The following PEAK1 variants were observed in gnomAD, a reference collection of about 807,000 sequenced individuals.
PEAK1 encodes the protein pseudopodium enriched atypical kinase 1.
A neutral mutation model predicts 124.7 loss-of-function variants in PEAK1; 54 were observed. That is an observed-to-expected ratio of 0.43 (90% CI 0.35 to 0.54). The LOEUF (loss-of-function observed/expected upper bound fraction) is 0.54. PEAK1 is among the 20% of genes least tolerant of loss of function. The probability of loss-of-function intolerance (pLI) is 0.01; values close to 1 mark genes in which losing one functional copy is unlikely to be tolerated. For missense variants in PEAK1, 2,046 were observed against 2,134.5 expected, an observed-to-expected ratio of 0.96 and a Z score of 0.82; for synonymous variants, 719 against 760.0, an observed-to-expected ratio of 0.95 and a Z score of 0.89.
chr15:77,166,069 G>C (rs1340092646), intron 7 of PEAK1, among the ~76,000 whole-genome samples: 1 of 152,122 alleles, frequency 6.6e-6, no homozygotes. Context: ...TTGAAAGGTA[G>C]GGTATTAATG....
chr15:77,207,892 GC>G (rs2058736880), intron 6 of PEAK1, among the ~76,000 whole-genome samples: 1 of 152,122 alleles, frequency 6.6e-6, no homozygotes. Context: ...TTCCAGTTAG[GC>G]TTCCAATTTT....
intron 6 of PEAK1, among the ~76,000 whole-genome samples, chr15:77,250,210 T>C (rs1301232864): frequency 1.4e-5 from 2 of 142,740 alleles, no homozygotes; most frequent in Admixed American, 7.2e-5. Context: ...TACATATATA[T>C]GTATATATAT....
intron 2 of PEAK1, among the ~76,000 whole-genome samples, chr15:77,312,238 AGAT>A (rs1183199600): frequency 6.6e-6 from 1 of 152,224 alleles, no homozygotes; most frequent in African/African-American, 2.4e-5. Context: ...TTACAGTAAC[AGAT>A]GACAGGTAAC....
chr15:77,272,441 A>G (rs1361926921), intron 5 of PEAK1, among the ~76,000 whole-genome samples: 2 of 152,192 alleles, frequency 1.3e-5, no homozygotes, highest in African/African-American at 2.4e-5. Flanking sequence ...AACAGCCAAT[A>G]CCAAAGAAAT....
chr15:77,390,008 T>G (rs533741026), intron 1 of PEAK1, among the ~76,000 whole-genome samples: 12 of 152,348 alleles, frequency 7.9e-5, no homozygotes, highest in Non-Finnish European at 1.2e-4. Flanking sequence ...ATGTTAAGTG[T>G]TTTGTATTCA....
chr15:77,316,617 T>C (rs1444082425), intron 2 of PEAK1, among the ~76,000 whole-genome samples: 2 of 152,208 alleles, frequency 1.3e-5, no homozygotes, highest in African/African-American at 2.4e-5. Context: ...GTAAGCTTCA[T>C]ATATTATTCA....
In PEAK1 at chr15:77,336,372, T is replaced by G. The variant is rs193247844; in HGVS notation, c.-603+28791A>C. The stretch of plus-strand genomic sequence containing the variant: ...AAAAAGCTCTCATTATAGAGACGTT[T>G]ACTAGGAACCAAGGCAGCTTTTCCA... On this transcript the variant is annotated intron_variant, in intron 2 of 9. Transcript: ENST00000682557. 7.1e-4 allele frequency: 699 copies of G among 985,450 alleles called. 4 individuals carry two copies. The African/African-American group carries it at 0.01, about 14-fold the overall frequency. 61.0% of individuals were successfully genotyped at this position (985,450 alleles called of 1,614,324 possible). A position where few individuals can be genotyped will look rare whatever the true frequency, so the allele number is the denominator to read the frequency against.
intron 1 of PEAK1, among the ~76,000 whole-genome samples, chr15:77,393,803 A>G (rs1444147549): frequency 6.6e-6 from 1 of 152,206 alleles, no homozygotes. Flanking sequence ...ACAGTGGAAT[A>G]CAGCACCAAG....
intron 1 of PEAK1, among the ~76,000 whole-genome samples, chr15:77,377,956 A>G (rs1189490237): frequency 6.6e-6 from 1 of 152,044 alleles, no homozygotes; most frequent in Non-Finnish European, 1.5e-5. Flanking sequence ...AAACTTACTG[A>G]GCTTGGACAT....
chr15:77,373,764 C>A (rs753174329), intron 1 of PEAK1, among the ~76,000 whole-genome samples: 2 of 152,178 alleles, frequency 1.3e-5, no homozygotes, highest in African/African-American at 2.4e-5. Flanking sequence ...ATAGCCAAAG[C>A]ACAGGACACT....
At chr15:77,229,531 A>C (rs1376220945) in intron 6 of PEAK1, among the ~76,000 whole-genome samples, 1 of 152,204 alleles carries the variant, frequency 6.6e-6, no homozygotes, top group Non-Finnish European at 1.5e-5. Context: ...GCTCAGCTCA[A>C]GTCCTCTCCT....
intron 7 of PEAK1, among the ~76,000 whole-genome samples, chr15:77,172,855 C>T (rs376506344): frequency 9.9e-5 from 15 of 152,086 alleles, no homozygotes; most frequent in East Asian, 5.8e-4. Flanking sequence ...TGGGCTCAAA[C>T]GATCCTTCCA....
chr15:77,295,700 C>A (rs945035205), intron 2 of PEAK1, among the ~76,000 whole-genome samples: 3 of 152,190 alleles, frequency 2.0e-5, no homozygotes, highest in African/African-American at 7.2e-5. Flanking sequence ...GTGGATCAGA[C>A]TTCTTATCTT....
intron 5 of PEAK1, among the ~76,000 whole-genome samples, chr15:77,260,507 T>C (rs2061383526): frequency 6.6e-6 from 1 of 152,166 alleles, no homozygotes. Flanking sequence ...AACTATGCTC[T>C]ATATTCAAAG....
intron 2 of PEAK1, among the ~76,000 whole-genome samples, chr15:77,345,069 C>T (rs982215885): frequency 2.2e-4 from 33 of 151,986 alleles, no homozygotes; most frequent in Middle Eastern, 3.4e-3. Context: ...ACTTCCAATA[C>T]GATGGTGAAT....
intron 2 of PEAK1, among the ~76,000 whole-genome samples, chr15:77,359,534 C>G (rs753286259): frequency 4.0e-5 from 6 of 151,612 alleles, no homozygotes; most frequent in Non-Finnish European, 8.8e-5. Context: ...GACACGATGA[C>G]ATGATCTTAC....
At chr15:77,331,154 A>T in intron 2 of PEAK1, 1 of 468,044 alleles carries the variant, frequency 2.1e-6, no homozygotes, top group Non-Finnish European at 2.8e-6. Context: ...TTTTGAGACG[A>T]AGTCTTGCTC....
intron 2 of PEAK1, among the ~76,000 whole-genome samples, chr15:77,358,540 G>A (rs76727908): frequency 1.3e-5 from 2 of 152,062 alleles, no homozygotes; most frequent in South Asian, 2.1e-4. Flanking sequence ...CACCCTTTTC[G>A]AAACACTCTA....
At chr15:77,221,951 C>T (rs2059409187) in intron 6 of PEAK1, among the ~76,000 whole-genome samples, 1 of 152,024 alleles carries the variant, frequency 6.6e-6, no homozygotes, top group Non-Finnish European at 1.5e-5. Context: ...CTCCTCTATA[C>T]TATACTCAGT....
Sources: gnomAD v4.1 joint callset for allele counts (sites outside exome capture counted in the v4.1 genomes callset) on GRCh38, gnomAD v4.1.1 for gene constraint, MANE v1.5 for transcripts, NCBI Gene and HGNC (gene_info 2026-07-23, HGNC 2026-07-21) for gene names.